Variants in CCDC170 observed in about 807,000 individuals in gnomAD.
CCDC170 encodes the protein coiled-coil domain containing 170.
Under a neutral mutation model 72.6 loss-of-function variants are expected in CCDC170, and 69 were observed. The ratio of observed to expected loss-of-function variants is 0.95; its 90% confidence interval spans 0.78 to 1.16. The LOEUF (loss-of-function observed/expected upper bound fraction) is 1.16. Among genes scored for constraint, CCDC170 ranks in the 50% most tolerant of loss-of-function variants. The pLI is 0.00. For missense variants in CCDC170, 852 were observed against 832.5 expected, an observed-to-expected ratio of 1.02 and a Z score of -0.29; for synonymous variants, 300 against 303.9, an observed-to-expected ratio of 0.99 and a Z score of 0.13.
intron 1 of CCDC170, among the ~76,000 whole-genome samples, chr6:151,533,655 G>A (rs1455633192): frequency 9.0e-6 from 1 of 110,526 alleles, no homozygotes; most frequent in African/African-American, 3.7e-5. Flanking sequence ...CAACAAGAGC[G>A]AAACTCCATC....
chr6:151,549,320 G>A (rs1411751192), intron 5 of CCDC170, among the ~76,000 whole-genome samples: 3 of 152,028 alleles, frequency 2.0e-5, no homozygotes, highest in Admixed American at 1.3e-4. Context: ...ACAGGTGTGA[G>A]CCACTGTGCC....
At chr6:151,564,768 A>G (rs1372351905) in intron 5 of CCDC170, among the ~76,000 whole-genome samples, 2 of 152,098 alleles carry the variant, frequency 1.3e-5, no homozygotes, top group Non-Finnish European at 2.9e-5. Flanking sequence ...AAGTCCCCAG[A>G]TGGTGTTTTC....
intron 5 of CCDC170, among the ~76,000 whole-genome samples, chr6:151,554,961 C>A (rs1583024297): frequency 7.0e-6 from 1 of 143,702 alleles, no homozygotes; most frequent in Non-Finnish European, 1.5e-5. Context: ...TCACTGTAAC[C>A]TCTGCCTCCT....
At chr6:151,592,811 C>T (rs1776562432) in intron 7 of CCDC170, among the ~76,000 whole-genome samples, 1 of 152,156 alleles carries the variant, frequency 6.6e-6, no homozygotes, top group Non-Finnish European at 1.5e-5. Flanking sequence ...ATGAAGATGT[C>T]ATCAAACATA....
chr6:151,596,659 G>T, intron 9 of CCDC170, 82 bp downstream of exon 9: 1 of 1,535,888 alleles, frequency 6.5e-7, no homozygotes, highest in East Asian at 2.3e-5. Context: ...GCTTTATCGG[G>T]ACACGCCAGA....
intron 9 of CCDC170, 123 bp downstream of exon 9, chr6:151,596,700 C>A: frequency 2.2e-6 from 3 of 1,367,114 alleles, no homozygotes; most frequent in Non-Finnish European, 2.9e-6. Flanking sequence ...CTCTGATTTT[C>A]TAGAATTATG....
chr6:151,578,422 A>T (rs1392671641), intron 6 of CCDC170, among the ~76,000 whole-genome samples: 2 of 152,062 alleles, frequency 1.3e-5, no homozygotes, highest in Non-Finnish European at 2.9e-5. Flanking sequence ...TGTTGTAGGG[A>T]TAGTGTTCTT....
chr6:151,533,362 C>A (rs1221729050), intron 1 of CCDC170, among the ~76,000 whole-genome samples: 1 of 151,620 alleles, frequency 6.6e-6, no homozygotes, highest in Non-Finnish European at 1.5e-5. Context: ...CCGACTATTT[C>A]ATTCTTATTT....
chr6:151,599,612 C>T (rs1383040842), intron 9 of CCDC170, among the ~76,000 whole-genome samples: 1 of 151,984 alleles, frequency 6.6e-6, no homozygotes, highest in Non-Finnish European at 1.5e-5. Flanking sequence ...CCTGAGGAGC[C>T]ATTGGAGGAT....
At position 151,618,320 on chromosome 6, in the gene CCDC170, G is replaced by T. The variant is rs2115154014; in HGVS notation, c.*173G>T. The T allele has an allele frequency of 1.7e-6, 1 of 587,678 alleles. No individual in the cohort carries two copies. Among genetic ancestry groups the T allele is most frequent in the Non-Finnish European group, 2.9e-6 (1 of 340,612 alleles). 36.4% of individuals were successfully genotyped at this position (587,678 alleles called of 1,614,324 possible). A position where few individuals can be genotyped will look rare whatever the true frequency, so the allele number is the denominator to read the frequency against. On this transcript the variant is annotated 3_prime_UTR_variant, in exon 11 of 11. Transcript: ENST00000239374. ...TCAAAAGTGTCAGCCTTAGATAAACGTTCAGCATTAAAAACGCCTATTATT... is the reference window on the plus strand; with the variant it reads ...TCAAAAGTGTCAGCCTTAGATAAACTTTCAGCATTAAAAACGCCTATTATT...
chr6:151,595,610 GT>G (rs1334464516), intron 8 of CCDC170, among the ~76,000 whole-genome samples: 1 of 152,062 alleles, frequency 6.6e-6, no homozygotes. Context: ...GAACCCAGGA[GT>G]TCAAGGCCAG....
At chr6:151,529,895 G>A (rs2115040234) in intron 1 of CCDC170, among the ~76,000 whole-genome samples, 1 of 152,060 alleles carries the variant, frequency 6.6e-6, no homozygotes. Flanking sequence ...GTCTGGTGAG[G>A]GTCATCCCAC....
Position 151,573,509 on chromosome 6 carries a change from G to A in CCDC170, c.1092+18G>A. On this transcript the variant is annotated intron_variant, in intron 6 of 10. Coordinates refer to ENST00000239374, the MANE Select transcript of CCDC170 (RefSeq NM_025059.4). The stretch of plus-strand genomic sequence containing the variant: ...GGGACCGGGTGAGTGGGTCATGGCT[G>A]TTTACAGACATCTTAAGAACAGTGA... 6.2e-7 allele frequency: 1 copy of A among 1,604,518 alleles called. No individual in the cohort carries two copies.
intron 7 of CCDC170, among the ~76,000 whole-genome samples, chr6:151,587,213 G>T (rs559287080): frequency 6.6e-6 from 1 of 152,106 alleles, no homozygotes; most frequent in Non-Finnish European, 1.5e-5. Context: ...GAAGGAGCCC[G>T]CACTGAGGAT....
intron 1 of CCDC170, among the ~76,000 whole-genome samples, chr6:151,528,753 G>C: frequency 6.6e-6 from 1 of 151,900 alleles, no homozygotes; most frequent in African/African-American, 2.4e-5. Flanking sequence ...CAGGAGAATC[G>C]CTTGAATACA....
At chr6:151,593,342 A>G (rs1198094151) in intron 8 of CCDC170, 62 bp downstream of exon 8, 9 of 1,536,122 alleles carry the variant, frequency 5.9e-6, no homozygotes, top group Non-Finnish European at 8.0e-6. Context: ...CCAAACATTG[A>G]AAAATAATGT....
chr6:151,534,047 C>T (rs932037837), intron 1 of CCDC170, among the ~76,000 whole-genome samples: 19 of 150,784 alleles, frequency 1.3e-4, no homozygotes, highest in Non-Finnish European at 1.9e-4. Context: ...TTTCTTTTCT[C>T]GTTCATTCAT....
chr6:151,505,867 C>T (rs1360606606), intron 1 of CCDC170, among the ~76,000 whole-genome samples: 3 of 152,156 alleles, frequency 2.0e-5, no homozygotes, highest in Non-Finnish European at 4.4e-5. Flanking sequence ...GAGGCCAAGG[C>T]AGGAGGATCT....
chr6:151,532,323 T>A (rs1782501427), intron 1 of CCDC170, among the ~76,000 whole-genome samples: 1 of 152,186 alleles, frequency 6.6e-6, no homozygotes, highest in Admixed American at 6.5e-5. Context: ...ATAAGACTTC[T>A]TGGCTGGGCA....
Sources: allele counts gnomAD v4.1 joint callset (sites outside exome capture counted in the v4.1 genomes callset), GRCh38; gene constraint gnomAD v4.1.1; transcripts MANE v1.5; gene names NCBI Gene and HGNC (gene_info 2026-07-23, HGNC 2026-07-21).